DOT1L: variants seen among roughly 807,000 people sequenced by gnomAD.
DOT1L encodes the protein DOT1 like histone lysine methyltransferase, also known as histone-lysine N-methyltransferase, H3 lysine-79 specific.
A neutral mutation model predicts 153.3 loss-of-function variants in DOT1L; 33 were observed. That is an observed-to-expected ratio of 0.22 (90% CI 0.16 to 0.29). The LOEUF is 0.29. Ranked by LOEUF, DOT1L falls within the 10% of genes least tolerant of loss-of-function variation. The pLI is 1.00. For missense variants in DOT1L, 1,847 were observed against 2,119.9 expected (o/e 0.87, Z 2.53); for synonymous variants, 1,135 against 965.1 (o/e 1.18, Z -3.26).
intron 27 of DOT1L, chr19:2,228,401 G>A (rs1352492266): frequency 1.0e-5 from 13 of 1,259,374 alleles, no homozygotes; most frequent in East Asian, 4.9e-5. Context: ...AGAGCCCTGC[G>A]CGGTGGCTCA....
chr19:2,216,331 G>T lies in DOT1L; in HGVS notation c.1974G>T (p.Gln658His). The T allele has an allele frequency of 1.2e-6, 2 of 1,601,280 alleles. No individual in the cohort carries two copies. Among genetic ancestry groups the T allele is most frequent in the Non-Finnish European group, 1.7e-6 (2 of 1,171,064 alleles). ...EKSQRQQELL[Q>H]LKSCVPPDDA... is the part of the protein sequence containing the mutation. ...GCCAGCGGCAGCAGGAGCTCCTGCA[G>T]CTCAAGTCCTGTGTGCCGCCTGACG... The change falls in exon 20 of 28, where the codon CAG becomes CAT. Residue 658 changes from glutamine to histidine, a missense_variant. Physicochemically the swap from Gln to His is conservative, Grantham distance 24. Around this residue, in one of 8 missense-constraint regions of DOT1L, gnomAD observed 156 missense variants for 235.7 expected, o/e 0.66. Transcript: ENST00000398665.
At chr19:2,211,674 T>A (rs1410439511) in intron 15 of DOT1L, 77 bp from the exon 16 acceptor site, 1 of 1,321,916 alleles carries the variant, frequency 7.6e-7, no homozygotes, top group Non-Finnish European at 1.0e-6. Context: ...TGGGACTCGT[T>A]CTCAAGGGCT....
chr19:2,213,358 G>A, intron 16 of DOT1L, 181 bp from the exon 17 acceptor site: 1 of 580,720 alleles, frequency 1.7e-6, no homozygotes, highest in Non-Finnish European at 3.0e-6. Flanking sequence ...CTGATGCAGA[G>A]CTGGTCCCCT....
Position 2,214,081 on chromosome 19 carries a change from C to T in DOT1L, c.1797+95C>T, listed in dbSNP as rs1480173375. 4.9e-5 allele frequency: 74 copies of T among 1,498,410 alleles called. No individual in the cohort carries two copies. In the East Asian group the frequency reaches 9.1e-4, roughly 19 times the overall value. 92.8% of individuals were successfully genotyped at this position (1,498,410 alleles called of 1,614,324 possible). A position where few individuals can be genotyped will look rare whatever the true frequency, so the allele number is the denominator to read the frequency against. ...TGCGGGTGGGAGGCTCTGGAAGGCC[C>T]GCCTCTGTTGTGGGGTTTGTTCCCA... On this transcript the variant is annotated intron_variant, in intron 18 of 27. Coordinates refer to ENST00000398665, the MANE Select transcript of DOT1L (RefSeq NM_032482.3).
intron 2 of DOT1L, among the ~76,000 whole-genome samples, chr19:2,182,718 C>T (rs182309800): frequency 3.3e-5 from 5 of 152,224 alleles, no homozygotes; most frequent in Admixed American, 1.3e-4. Context: ...GGGAGCTGCA[C>T]CTGCTCCCCA....
chr19:2,222,834 A>C lies in DOT1L; in HGVS notation c.3390+275A>C. The C allele has an allele frequency of 2.2e-6, 1 of 447,452 alleles. No individual in the cohort carries two copies. Among genetic ancestry groups the C allele is most frequent in the South Asian group, 4.1e-5 (1 of 24,170 alleles). The allele number at this position is 447,452 out of a possible 1,614,324, so 27.7% of individuals were successfully genotyped here. A position where few individuals can be genotyped will look rare whatever the true frequency, so the allele number is the denominator to read the frequency against. On this transcript the variant is annotated intron_variant, in intron 24 of 27. Transcript: ENST00000398665. This position sits in a 1 kb window ranked among gnomAD's most constrained non-coding sequence, Gnocchi z 6.5. ...GGGAGGCGGGGCTTGCAGTGAACTG[A>C]GATCGGCCACTGCCTGGGCCACAGA... is the stretch of plus-strand genomic sequence containing the variant.
chr19:2,225,345 T>C (rs1396386724), intron 25 of DOT1L, 43 bp from the exon 26 acceptor site: 1 of 1,573,590 alleles, frequency 6.4e-7, no homozygotes, highest in East Asian at 2.2e-5. Context: ...ATTCTTAGTA[T>C]GCAGCTGGGT....
At chr19:2,221,642 C>A in intron 23 of DOT1L, 1 of 366,580 alleles carries the variant, frequency 2.7e-6, no homozygotes, top group Non-Finnish European at 4.9e-6. Flanking sequence ...TCTCTGAGAT[C>A]ACGGGGCCAG....
chr19:2,181,855 T>A (rs1205134085), intron 2 of DOT1L, among the ~76,000 whole-genome samples: 1 of 151,982 alleles, frequency 6.6e-6, no homozygotes, highest in African/African-American at 2.4e-5. Flanking sequence ...GTTTCTCTTG[T>A]TGCAGCTGGG....
chr19:2,176,238 A>G (rs951828016), intron 1 of DOT1L, among the ~76,000 whole-genome samples: 2 of 152,082 alleles, frequency 1.3e-5, no homozygotes, highest in South Asian at 2.1e-4. Context: ...TCCACACAGC[A>G]TCCCACACCA....
intron 9 of DOT1L, among the ~76,000 whole-genome samples, chr19:2,203,644 A>G (rs149565985): frequency 1.8e-3 from 269 of 152,302 alleles, no homozygotes; most frequent in Admixed American, 3.8e-3. Context: ...AACTCAGCCC[A>G]TGACATCGAT....
intron 9 of DOT1L, among the ~76,000 whole-genome samples, chr19:2,205,209 G>C (rs2023446496): frequency 6.6e-6 from 1 of 152,086 alleles, no homozygotes; most frequent in South Asian, 2.1e-4. Flanking sequence ...CTGACCTCGT[G>C]ATCTCCCTGC....
chr19:2,203,548 C>T (rs1178717439), intron 9 of DOT1L, among the ~76,000 whole-genome samples: 1 of 152,182 alleles, frequency 6.6e-6, no homozygotes, highest in African/African-American at 2.4e-5. Context: ...TTGTTTTCTC[C>T]CTCCGGAGAA....
intron 1 of DOT1L, among the ~76,000 whole-genome samples, chr19:2,174,982 GTGTGTGTGTGTGTATATA>G (rs2021845156): frequency 9.3e-6 from 1 of 108,078 alleles, no homozygotes. Flanking sequence ...GTGTGTGTGT[GTGTGTGTGTGTGTATATA>G]TATATTTTTT....
chr19:2,195,964 G>T (rs2023001357), intron 7 of DOT1L, among the ~76,000 whole-genome samples: 1 of 152,236 alleles, frequency 6.6e-6, no homozygotes, highest in African/African-American at 2.4e-5. Context: ...TGTCTCCTCA[G>T]CAGGGTGCGT....
chr19:2,211,002 A>G lies in DOT1L; in HGVS notation c.1352-97A>G. 2.7e-6 allele frequency: 4 copies of G among 1,465,264 alleles called. No individual in the cohort carries two copies. The South Asian group carries it at 4.9e-5, about 18-fold the overall frequency. 90.8% of individuals were successfully genotyped at this position (1,465,264 alleles called of 1,614,324 possible). A position where few individuals can be genotyped will look rare whatever the true frequency, so the allele number is the denominator to read the frequency against. The stretch of plus-strand genomic sequence containing the variant: ...GTGGCTGTGCCTTCAGGGTGGCCCC[A>G]TCCTAAGGGGTTGCTGGGCACCTGC... On this transcript the variant is annotated intron_variant, in intron 14 of 27. Coordinates refer to ENST00000398665, the MANE Select transcript of DOT1L (RefSeq NM_032482.3).
intron 22 of DOT1L, 109 bp from the exon 23 acceptor site, chr19:2,219,999 G>A (rs996711131): frequency 1.0e-5 from 10 of 981,238 alleles, no homozygotes; most frequent in Non-Finnish European, 1.3e-5. Flanking sequence ...CGGTGACCCC[G>A]GCGGCCTCCC....
chr19:2,211,239 A>C (rs750342619), intron 15 of DOT1L, 27 bp downstream of exon 15: 39 of 1,574,920 alleles, frequency 2.5e-5, no homozygotes, highest in Non-Finnish European at 3.1e-5. Flanking sequence ...CGTCCGGCGA[A>C]GGGTTCTGGG....
At chr19:2,166,543 C>T (rs151156339) in intron 1 of DOT1L, among the ~76,000 whole-genome samples, 4,690 of 152,196 alleles carry the variant, frequency 0.031, 95 homozygotes, top group Non-Finnish European at 0.048. Context: ...TCCTGAGTAG[C>T]TGGGATTACT....
Sources: gnomAD v4.1 joint callset for allele counts (sites outside exome capture counted in the v4.1 genomes callset) on GRCh38, gnomAD v4.1.1 for gene constraint, gnomAD v4.1.1 regional missense constraint, Gnocchi (gnomAD v3.1) non-coding constraint, MANE v1.5 for transcripts, NCBI Gene and HGNC (gene_info 2026-07-23, HGNC 2026-07-21) for gene names.